AP2A2: variants seen among roughly 807,000 people sequenced by gnomAD.
AP2A2 encodes the protein adaptor related protein complex 2 subunit alpha 2.
AP2A2 carries 32 observed loss-of-function variants against 104.2 expected under a neutral mutation model. The ratio of observed to expected loss-of-function variants is 0.31; its 90% CI spans 0.23 to 0.41. AP2A2 has a LOEUF of 0.41. AP2A2 is among the 10% of genes least tolerant of loss of function. AP2A2 has a pLI of 1.00. For missense variants in AP2A2, 912 were observed against 1,261.0 expected, an observed-to-expected ratio of 0.72 and a Z score of 4.19; for synonymous variants, 539 against 533.3, an observed-to-expected ratio of 1.01 and a Z score of -0.15.
intron 4 of AP2A2, among the ~76,000 whole-genome samples, chr11:973,660 C>T (rs1031870440): frequency 6.7e-6 from 1 of 150,368 alleles, no homozygotes; most frequent in Admixed American, 6.6e-5. Context: ...AAGGAAGGCT[C>T]GAATGATCAC....
At chr11:928,862 CA>C (rs1853202255) in intron 1 of AP2A2, among the ~76,000 whole-genome samples, 1 of 152,154 alleles carries the variant, frequency 6.6e-6, no homozygotes, top group African/African-American at 2.4e-5. Context: ...TCCTCCTGGG[CA>C]GTGTCTTCAG....
At chr11:1,000,791 A>G (rs1460588202) in intron 15 of AP2A2, among the ~76,000 whole-genome samples, 193 bp downstream of exon 15, 1 of 151,988 alleles carries the variant, frequency 6.6e-6, no homozygotes, top group African/African-American at 2.4e-5. Flanking sequence ...CTTGATTTAT[A>G]TGGACTGCAG....
intron 2 of AP2A2, among the ~76,000 whole-genome samples, chr11:962,391 T>A (rs183311979): frequency 2.6e-5 from 4 of 152,322 alleles, no homozygotes; most frequent in Non-Finnish European, 4.4e-5. Context: ...AGAAGAATCA[T>A]CTAATGTGTT....
chr11:967,941 C>T (rs1048180196), intron 2 of AP2A2, among the ~76,000 whole-genome samples: 2 of 152,152 alleles, frequency 1.3e-5, no homozygotes, highest in Non-Finnish European at 2.9e-5. Flanking sequence ...GTAATTCTAG[C>T]CTAGTACTGA....
intron 1 of AP2A2, among the ~76,000 whole-genome samples, chr11:926,387 G>C (rs1346587542): frequency 6.6e-6 from 1 of 150,598 alleles, no homozygotes; most frequent in East Asian, 2.0e-4. Flanking sequence ...GGGGGTGCGG[G>C]GTGGGGTGTC....
At chr11:963,988 G>A (rs2134586210) in intron 2 of AP2A2, among the ~76,000 whole-genome samples, 1 of 152,352 alleles carries the variant, frequency 6.6e-6, no homozygotes, top group South Asian at 2.1e-4. Context: ...GAAGTGCATA[G>A]AGTGGCCCCC....
intron 17 of AP2A2, 71 bp downstream of exon 17, chr11:1,006,688 GT>G (rs2133786932): frequency 3.3e-6 from 4 of 1,217,934 alleles, no homozygotes; most frequent in East Asian, 4.7e-5. Flanking sequence ...TTTTGAGGAA[GT>G]TTTTTGGTTT....
rs529819420 is a variant in AP2A2 at position 988,777 on chromosome 11, G to A, written c.1269+88G>A. 1.4e-5 allele frequency: 21 copies of A among 1,517,324 alleles called. No individual in the cohort carries two copies. The African/African-American group carries it at 1.5e-4, about 11-fold the overall frequency. 94.0% of individuals were successfully genotyped at this position (1,517,324 alleles called of 1,614,324 possible). A position where few individuals can be genotyped will look rare whatever the true frequency, so the allele number is the denominator to read the frequency against. On this transcript the variant is annotated intron_variant, in intron 10 of 21. Coordinates refer to ENST00000448903, the MANE Select transcript of AP2A2 (RefSeq NM_012305.4). ...CCTTCGTGCTCTGCGATTCCGTCCA[G>A]CAGGACTTGATTGAGAACCCATGAG...
intron 16 of AP2A2, among the ~76,000 whole-genome samples, chr11:1,004,843 AAG>A (rs1442083444): frequency 3.9e-5 from 6 of 152,178 alleles, no homozygotes; most frequent in Non-Finnish European, 7.3e-5. Context: ...AAAAAGGAAA[AAG>A]AGTGTCTGCA....
chr11:943,521 T>G (rs191779717), intron 1 of AP2A2, among the ~76,000 whole-genome samples: 192 of 152,342 alleles, frequency 1.3e-3, no homozygotes, highest in Non-Finnish European at 2.0e-3. Context: ...TTTTGCTTCT[T>G]CTTTCTTTGG....
Position 992,955 on chromosome 11 carries a change from C to T in AP2A2, c.1452+270C>T, listed in dbSNP as rs907108012. Among the ~76,000 whole-genome samples, 1 of 152,176 alleles carries T rather than the reference C, an allele frequency of 6.6e-6. No individual in the cohort carries two copies. Among genetic ancestry groups the T allele is most frequent in the African/African-American group, 2.4e-5 (1 of 41,444 alleles). ...GTGTGTGAGAGCATGCTGGGGCATG[C>T]CGTGGTGGGGCCTGCCCTGTCCGTC... On this transcript the variant is annotated intron_variant, in intron 11 of 21. Transcript: ENST00000448903. This position sits in a 1 kb window ranked among gnomAD's most constrained non-coding sequence, Gnocchi z 6.4.
intron 2 of AP2A2, among the ~76,000 whole-genome samples, chr11:966,142 G>A (rs925708198): frequency 3.3e-5 from 5 of 152,248 alleles, no homozygotes; most frequent in African/African-American, 9.6e-5. Flanking sequence ...CACTGCACCT[G>A]ACTGGGAATT....
At chr11:971,345 C>T (rs1181355614) in intron 3 of AP2A2, among the ~76,000 whole-genome samples, 1 of 152,184 alleles carries the variant, frequency 6.6e-6, no homozygotes, top group Non-Finnish European at 1.5e-5. Flanking sequence ...CAGGTGGTGC[C>T]TGGCAGTGGC....
intron 1 of AP2A2, among the ~76,000 whole-genome samples, chr11:930,268 G>A (rs1226943115): frequency 6.6e-6 from 1 of 152,076 alleles, no homozygotes; most frequent in Non-Finnish European, 1.5e-5. Flanking sequence ...AGCATAGGCA[G>A]CAATGAATAT....
At position 1,000,474 on chromosome 11, in the gene AP2A2, G is replaced by GC. The variant is rs770443312; in HGVS notation, c.2006dup (p.Ala670CysfsTer43). 7.8e-6 allele frequency: 12 copies of GC among 1,539,934 alleles called. No individual in the cohort carries two copies. Among genetic ancestry groups the GC allele is most frequent in the Non-Finnish European group, 8.7e-6 (10 of 1,146,924 alleles). Reference sequence around the variant, plus strand: ...GGCAGACCTGCTGGGTCTCGGGGCTGCCCCCCCTGCCCCCGCGGGCCCCCC... The same window carrying GC: ...GGCAGACCTGCTGGGTCTCGGGGCTGCCCCCCCCTGCCCCCGCGGGCCCCCC... On this transcript the variant is annotated frameshift_variant, in exon 15 of 22. Coordinates refer to ENST00000448903, the MANE Select transcript of AP2A2 (RefSeq NM_012305.4). LOFTEE classifies it high-confidence loss of function.
rs1273069572 is a variant in AP2A2 at position 986,914 on chromosome 11, T to C, written c.1092T>C (p.Ala364=). Reference sequence around the variant, plus strand: ...CCAGCTCTGAGTTCTCCCATGAGGCTGTCAAGACGCACATCGAGACGGTCA... The same window carrying C: ...CCAGCTCTGAGTTCTCCCATGAGGCCGTCAAGACGCACATCGAGACGGTCA... ...TLASSEFSHE[A]VKTHIETVIN... The change falls in exon 9 of 22, where the codon GCT becomes GCC. Residue 364 remains alanine (A), a synonymous_variant. Transcript: ENST00000448903. 1 of 1,602,470 alleles carries C rather than the reference T, an allele frequency of 6.2e-7. No individual in the cohort carries two copies. Among genetic ancestry groups the C allele is most frequent in the Non-Finnish European group, 8.5e-7 (1 of 1,175,036 alleles).
At chr11:952,871 TTGAAGTCCTCCTG>T (rs1361406315) in intron 1 of AP2A2, among the ~76,000 whole-genome samples, 2 of 152,204 alleles carry the variant, frequency 1.3e-5, no homozygotes. Context: ...GGTGGGGTGG[TTGAAGTCCTCCTG>T]TGAGGCCCTC....
intron 20 of AP2A2, 39 bp from the exon 21 acceptor site, chr11:1,009,644 C>T (rs1856352176): frequency 6.7e-7 from 1 of 1,482,230 alleles, no homozygotes; most frequent in Non-Finnish European, 9.2e-7. Context: ...TGCCCGCGAC[C>T]CCGCGCCAGG....
chr11:996,446 CA>C (rs1292282793), intron 14 of AP2A2, among the ~76,000 whole-genome samples: 1 of 152,186 alleles, frequency 6.6e-6, no homozygotes, highest in Non-Finnish European at 1.5e-5. Context: ...GGATTGTCTT[CA>C]GTCTCTCTTT....
Sources: allele counts gnomAD v4.1 joint callset (sites outside exome capture counted in the v4.1 genomes callset), GRCh38; gene constraint gnomAD v4.1.1; non-coding constraint Gnocchi (gnomAD v3.1); transcripts MANE v1.5; gene names NCBI Gene and HGNC (gene_info 2026-07-23, HGNC 2026-07-21).